The following FMNL3 variants were observed in gnomAD, a reference collection of about 807,000 sequenced individuals.
FMNL3 encodes formin like 3.
FMNL3 carries 57 observed loss-of-function variants against 119.6 expected under a neutral mutation model. The observed-to-expected ratio is 0.48, with a 90% CI of 0.39 to 0.59. The LOEUF is 0.59. Among genes scored for constraint, FMNL3 ranks in the 20% least tolerant of loss-of-function variants. The probability of loss-of-function intolerance (pLI) is 0.00; values close to 1 mark genes in which losing one functional copy is unlikely to be tolerated. For synonymous variants in FMNL3, 491 were observed against 507.3 expected (o/e 0.97, Z 0.43); for missense variants, 1,053 against 1,323.5 (o/e 0.80, Z 3.17).
In FMNL3 at chr12:49,644,155, G is replaced by C. The variant is rs753845877; in HGVS notation, c.*1660C>G. On this transcript the variant is annotated 3_prime_UTR_variant, in exon 26 of 26. Transcript: ENST00000335154. ...AGTGAGGGTGAGCTGGAGAGGCGGC[G>C]GCGGACACTCCTACAGCAGCTGGAT... 6.2e-7 allele frequency: 1 copy of C among 1,614,092 alleles called. No homozygotes were observed. Among genetic ancestry groups the C allele is most frequent in the Non-Finnish European group, 8.5e-7 (1 of 1,180,028 alleles).
chr12:49,694,828 CT>C, intron 1 of FMNL3, among the ~76,000 whole-genome samples: 1 of 152,078 alleles, frequency 6.6e-6, no homozygotes, highest in East Asian at 1.9e-4. Flanking sequence ...AGGAGAATTG[CT>C]TGAACCCAGG....
At chr12:49,660,124 C>G (rs1028590041) in intron 5 of FMNL3, among the ~76,000 whole-genome samples, 7 of 152,224 alleles carry the variant, frequency 4.6e-5, no homozygotes, top group African/African-American at 1.7e-4. Flanking sequence ...AACACTGTAT[C>G]CTCTTGTACT....
chr12:49,642,845 AG>A lies in FMNL3; in HGVS notation c.*2969del. 1 of 1,485,468 alleles carries A rather than the reference AG, an allele frequency of 6.7e-7. No homozygotes were observed. 92.0% of individuals were successfully genotyped at this position (1,485,468 alleles called of 1,614,324 possible). ...CAGAAGGCTCTAGTCTGAGAAAGGG[AG>A]GCAAAGCCAGATTTTAGGAAGTAGG... On this transcript the variant is annotated 3_prime_UTR_variant, in exon 26 of 26. Transcript: ENST00000335154. The surrounding 1 kb of genome is among the most constrained non-coding windows in gnomAD (Gnocchi z 5.8).
chr12:49,685,192 A>G (rs1944427241), intron 1 of FMNL3, among the ~76,000 whole-genome samples: 1 of 152,162 alleles, frequency 6.6e-6, no homozygotes, highest in African/African-American at 2.4e-5. Flanking sequence ...CCAGTTTTAA[A>G]ATAAGGTCCA....
At chr12:49,663,111 A>T (rs1169520625) in intron 4 of FMNL3, among the ~76,000 whole-genome samples, 3 of 152,192 alleles carry the variant, frequency 2.0e-5, no homozygotes, top group African/African-American at 7.2e-5. Flanking sequence ...GCTGAAGCTG[A>T]CTGACACCGG....
At position 49,636,767 on chromosome 12, in the gene FMNL3, T is replaced by C. The variant is rs768592072; in HGVS notation, c.*9048A>G. On this transcript the variant is annotated 3_prime_UTR_variant, in exon 26 of 26. Coordinates refer to ENST00000335154, the MANE Select transcript of FMNL3 (RefSeq NM_175736.5). ...TGTTTTGAGGAGCACATCCGAGCTT[T>C]GGAGAGGGAAGAGGAGGAGGAACGG... 6.2e-7 allele frequency: 1 copy of C among 1,614,150 alleles called. No homozygotes were observed. Among genetic ancestry groups the C allele is most frequent in the Admixed American group, 1.7e-5 (1 of 60,024 alleles).
intron 1 of FMNL3, among the ~76,000 whole-genome samples, chr12:49,673,272 G>A (rs1944094239): frequency 2.0e-5 from 3 of 152,228 alleles, no homozygotes; most frequent in Non-Finnish European, 4.4e-5. Flanking sequence ...CAAGTCCTCC[G>A]TGGCATCCAC....
Position 49,643,455 on chromosome 12 carries a change from G to A in FMNL3, c.*2360C>T. ...AACTGTTGTCCCAGACTGAGAGGAT[G>A]CCCTCCACAAGCCCCAGCTCCTTTG... On this transcript the variant is annotated 3_prime_UTR_variant, in exon 26 of 26. Coordinates refer to ENST00000335154, the MANE Select transcript of FMNL3 (RefSeq NM_175736.5). 1 of 1,515,370 alleles carries A rather than the reference G, an allele frequency of 6.6e-7. No individual in the cohort carries two copies. The highest frequency in any genetic ancestry group is 8.8e-7 in the Non-Finnish European group (1 of 1,132,002). The allele number at this position is 1,515,370 out of a possible 1,614,324, so 93.9% of individuals were successfully genotyped here. A position where few individuals can be genotyped will look rare whatever the true frequency, so the allele number is the denominator to read the frequency against.
At chr12:49,646,006 A>G (rs1943168315) in intron 25 of FMNL3, 103 bp from the exon 26 acceptor site, 1 of 955,368 alleles carries the variant, frequency 1.0e-6, no homozygotes, top group African/African-American at 1.7e-5. Context: ...GCCAGCAGTG[A>G]GGCAGATAAA....
intron 1 of FMNL3, among the ~76,000 whole-genome samples, chr12:49,668,768 A>G (rs189290964): frequency 6.6e-6 from 1 of 152,334 alleles, no homozygotes; most frequent in Admixed American, 6.5e-5. Flanking sequence ...AGTAGAATCA[A>G]TTTAATCAGT....
In FMNL3 at chr12:49,643,444, A is replaced by C. The variant is rs765814015; in HGVS notation, c.*2371T>G. The C allele has an allele frequency of 4.6e-6, 7 of 1,522,482 alleles. No homozygotes were observed. The highest frequency in any genetic ancestry group is 1.8e-4 in the Middle Eastern group (1 of 5,414). 94.3% of individuals were successfully genotyped at this position (1,522,482 alleles called of 1,614,324 possible). On this transcript the variant is annotated 3_prime_UTR_variant, in exon 26 of 26. Coordinates refer to ENST00000335154, the MANE Select transcript of FMNL3 (RefSeq NM_175736.5). ...AGAAGCTGGAGAACTGTTGTCCCAGACTGAGAGGATGCCCTCCACAAGCCC... is the reference window on the plus strand; with the variant it reads ...AGAAGCTGGAGAACTGTTGTCCCAGCCTGAGAGGATGCCCTCCACAAGCCC...
chr12:49,672,288 AG>A (rs943917421), intron 1 of FMNL3, among the ~76,000 whole-genome samples: 50 of 151,420 alleles, frequency 3.3e-4, no homozygotes, highest in African/African-American at 1.1e-3. Flanking sequence ...CATTATCTTG[AG>A]GGGTGGGGGA....
chr12:49,674,086 C>G lies in FMNL3; in HGVS notation c.127-5532G>C, dbSNP rs558224322. ...AGATCTCACTGCAGCTCTCACAGACCAAGGCCAAGCCTGGCTTCGCTGCCA... is the reference window on the plus strand; with the variant it reads ...AGATCTCACTGCAGCTCTCACAGACGAAGGCCAAGCCTGGCTTCGCTGCCA... On this transcript the variant is annotated intron_variant, in intron 1 of 25. Transcript: ENST00000335154. Among the ~76,000 whole-genome samples the G allele has an allele frequency of 1.2e-4, 19 of 152,266 alleles. No individual in the cohort carries two copies. The South Asian group carries it at 3.5e-3, about 28-fold the overall frequency.
At chr12:49,661,751 T>C (rs768806331) in intron 5 of FMNL3, 217 of 569,516 alleles carry the variant, frequency 3.8e-4, no homozygotes, top group Admixed American at 8.4e-4. Flanking sequence ...AAATGCATCT[T>C]ATCTTCTACT....
At chr12:49,696,043 G>A (rs1383074187) in intron 1 of FMNL3, among the ~76,000 whole-genome samples, 1 of 152,026 alleles carries the variant, frequency 6.6e-6, no homozygotes, top group Non-Finnish European at 1.5e-5. Context: ...TGGGTTCCTG[G>A]GATTTGTGAA....
At chr12:49,668,617 A>G (rs933188648) in intron 1 of FMNL3, 63 bp from the exon 2 acceptor site, 106 of 1,453,418 alleles carry the variant, frequency 7.3e-5, no homozygotes, top group Non-Finnish European at 1.0e-4. Context: ...GAGAAAGACT[A>G]GACTGCCCAC....
At chr12:49,654,053 G>C in intron 11 of FMNL3, 139 bp downstream of exon 11, 3 of 1,136,550 alleles carry the variant, frequency 2.6e-6, no homozygotes, top group South Asian at 3.0e-5. Flanking sequence ...AGCTGCAGAG[G>C]TCCTGAGTCC....
At chr12:49,661,497 T>C (rs1235019944) in intron 5 of FMNL3, among the ~76,000 whole-genome samples, 1 of 152,220 alleles carries the variant, frequency 6.6e-6, no homozygotes, top group Non-Finnish European at 1.5e-5. Flanking sequence ...ATACTTCATT[T>C]TTCTATCCAG....
intron 1 of FMNL3, among the ~76,000 whole-genome samples, chr12:49,672,888 G>A (rs1944083255): frequency 6.6e-6 from 1 of 152,196 alleles, no homozygotes; most frequent in African/African-American, 2.4e-5. Flanking sequence ...AACTGTTTTT[G>A]TTGGTCCCTA....
Sources: gnomAD v4.1 joint callset for allele counts (sites outside exome capture counted in the v4.1 genomes callset) on GRCh38, gnomAD v4.1.1 for gene constraint, Gnocchi (gnomAD v3.1) non-coding constraint, MANE v1.5 for transcripts, NCBI Gene and HGNC (gene_info 2026-07-23, HGNC 2026-07-21) for gene names.